Variants in PARP11 observed in about 807,000 individuals in gnomAD.
PARP11 encodes protein mono-ADP-ribosyltransferase PARP11.
A neutral mutation model predicts 42.9 loss-of-function variants in PARP11; 31 were observed. The observed-to-expected ratio is 0.72, with a 90% CI of 0.54 to 0.98. The LOEUF (loss-of-function observed/expected upper bound fraction) is 0.98, where lower values mean the gene tolerates loss of function less well. Ranked by LOEUF, PARP11 falls within the 50% of genes least tolerant of loss-of-function variation. The pLI is 0.00. For missense variants in PARP11, 365 were observed against 413.1 expected, an observed-to-expected ratio of 0.88 and a Z score of 1.01; for synonymous variants, 137 against 127.3, an observed-to-expected ratio of 1.08 and a Z score of -0.51.
intron 3 of PARP11, among the ~76,000 whole-genome samples, chr12:3,826,537 A>G (rs1947530709): frequency 6.6e-6 from 1 of 152,236 alleles, no homozygotes; most frequent in Admixed American, 6.5e-5. Flanking sequence ...TTAAACAGAC[A>G]CTAAACTAGG....
chr12:3,841,106 A>C, intron 1 of PARP11: 1 of 1,610,484 alleles, frequency 6.2e-7, no homozygotes, highest in Non-Finnish European at 8.5e-7. Flanking sequence ...GTGTCAATAC[A>C]GGCAGTTAAC....
rs1388302257 is a variant in PARP11 at position 3,814,120 on chromosome 12, G to T, written c.617C>A (p.Thr206Asn). The T allele has an allele frequency of 1.2e-6, 2 of 1,608,094 alleles. No homozygotes were observed. Among genetic ancestry groups the T allele is most frequent in the Non-Finnish European group, 1.7e-6 (2 of 1,176,078 alleles). The part of the protein sequence containing the change: ...QINEQMLFHG[T>N]SSEFVEAICI... ...GATTGCTTCCACAAATTCACTGCTGGTACCATGAAACAGCATTTGTTCATT... is the reference window on the plus strand; with the variant it reads ...GATTGCTTCCACAAATTCACTGCTGTTACCATGAAACAGCATTTGTTCATT... Residue 206 changes from threonine to asparagine, a missense_variant, in exon 7 of 8, where the codon ACC becomes AAC. By Grantham distance (65) the Thr-to-Asn change is moderately conservative. Coordinates refer to ENST00000228820, the MANE Select transcript of PARP11 (RefSeq NM_020367.6).
At chr12:3,849,588 A>G (rs1461946025) in intron 1 of PARP11, among the ~76,000 whole-genome samples, 1 of 152,174 alleles carries the variant, frequency 6.6e-6, no homozygotes, top group African/African-American at 2.4e-5. Context: ...ATTCATATGT[A>G]GGAGCTAAAT....
chr12:3,829,093 G>A, intron 2 of PARP11, 63 bp from the exon 3 acceptor site: 1 of 1,577,362 alleles, frequency 6.3e-7, no homozygotes, highest in Non-Finnish European at 8.7e-7. Context: ...GGCCACAGAG[G>A]TGGTACTGTG....
At chr12:3,832,581 A>G (rs1414539414) in intron 1 of PARP11, among the ~76,000 whole-genome samples, 2 of 152,192 alleles carry the variant, frequency 1.3e-5, no homozygotes, top group East Asian at 3.9e-4. Flanking sequence ...ATAAGATTAA[A>G]CATTTCCATT....
intron 1 of PARP11, 115 bp downstream of exon 1, chr12:3,873,097 G>C: frequency 9.6e-7 from 1 of 1,038,310 alleles, no homozygotes; most frequent in Non-Finnish European, 1.5e-6. Flanking sequence ...CTCCGGTCCC[G>C]GAACTCAACA....
chr12:3,849,294 C>T (rs1017563734), intron 1 of PARP11, among the ~76,000 whole-genome samples: 7 of 152,038 alleles, frequency 4.6e-5, no homozygotes, highest in Non-Finnish European at 1.0e-4. Flanking sequence ...TCCAGCAACT[C>T]CACGACTGAG....
At chr12:3,833,998 C>T (rs1172484751) in intron 1 of PARP11, among the ~76,000 whole-genome samples, 1 of 152,194 alleles carries the variant, frequency 6.6e-6, no homozygotes, top group Admixed American at 6.5e-5. Context: ...TTTCCCTACA[C>T]AGCCCCCATT....
At chr12:3,857,120 C>T (rs1266012218) in intron 1 of PARP11, among the ~76,000 whole-genome samples, 3 of 150,624 alleles carry the variant, frequency 2.0e-5, no homozygotes, top group Non-Finnish European at 4.4e-5. Context: ...CACACCAGGG[C>T]CTGTCGGGGG....
intron 1 of PARP11, among the ~76,000 whole-genome samples, chr12:3,862,148 C>A (rs1337122428): frequency 6.6e-6 from 1 of 152,148 alleles, no homozygotes; most frequent in Non-Finnish European, 1.5e-5. Context: ...TTTTTCTCAG[C>A]CAGGCATAGT....
intron 6 of PARP11, among the ~76,000 whole-genome samples, chr12:3,819,877 T>C (rs1372054951): frequency 1.3e-5 from 2 of 152,194 alleles, no homozygotes; most frequent in Non-Finnish European, 1.5e-5. Context: ...CTCTCACCAT[T>C]CTACCTAATT....
chr12:3,831,530 T>C (rs1947637718), intron 1 of PARP11, among the ~76,000 whole-genome samples: 1 of 152,106 alleles, frequency 6.6e-6, no homozygotes, highest in Non-Finnish European at 1.5e-5. Flanking sequence ...TCCTTCCTCA[T>C]TGGGATGTTG....
chr12:3,815,263 T>A (rs1164580024), intron 6 of PARP11, among the ~76,000 whole-genome samples: 1 of 152,246 alleles, frequency 6.6e-6, no homozygotes, highest in East Asian at 1.9e-4. Flanking sequence ...ACTCACAGCA[T>A]CACGTGCTCA....
chr12:3,837,937 T>C (rs1221954015), intron 1 of PARP11, among the ~76,000 whole-genome samples: 1 of 151,402 alleles, frequency 6.6e-6, no homozygotes, highest in Non-Finnish European at 1.5e-5. Flanking sequence ...ACACCCAAGA[T>C]CTTAAGTATA....
chr12:3,832,303 A>C (rs893575209), intron 1 of PARP11, among the ~76,000 whole-genome samples: 1 of 152,178 alleles, frequency 6.6e-6, no homozygotes, highest in East Asian at 1.9e-4. Context: ...TGTGCAGGAG[A>C]GATAAGTGAT....
At position 3,840,402 on chromosome 12, in the gene PARP11, C is replaced by G; in HGVS notation, c.19-10384G>C. On this transcript the variant is annotated intron_variant, in intron 1 of 7. Coordinates refer to ENST00000228820, the MANE Select transcript of PARP11 (RefSeq NM_020367.6). This position sits in a 1 kb window ranked among gnomAD's most constrained non-coding sequence, Gnocchi z 4.4. Reference sequence around the variant, plus strand: ...ATTACAGAGGGCCAAAGAATCCAAGCAAGCCAATAAAAGCCCCATTAGCAC... The same window carrying G: ...ATTACAGAGGGCCAAAGAATCCAAGGAAGCCAATAAAAGCCCCATTAGCAC... 6.2e-7 allele frequency: 1 copy of G among 1,600,704 alleles called. No homozygotes were observed. Among genetic ancestry groups the G allele is most frequent in the Non-Finnish European group, 8.5e-7 (1 of 1,175,328 alleles).
intron 1 of PARP11, among the ~76,000 whole-genome samples, chr12:3,865,916 T>G (rs564014238): frequency 5.4e-4 from 82 of 152,018 alleles, no homozygotes; most frequent in Non-Finnish European, 1.1e-3. Context: ...CCACCTGTTC[T>G]TTGTTCTCTT....
Position 3,866,136 on chromosome 12 carries a change from C to T in PARP11, c.18+7076G>A, listed in dbSNP as rs1459934899. Among the ~76,000 whole-genome samples the T allele has an allele frequency of 2.6e-5, 4 of 151,984 alleles. No individual in the cohort carries two copies. The East Asian group carries it at 7.7e-4, about 29-fold the overall frequency. ...CAAACAAACAAACAAAAGACACTTCCTAGGATGTCTAATGAGCTTCACATT... is the reference window on the plus strand; with the variant it reads ...CAAACAAACAAACAAAAGACACTTCTTAGGATGTCTAATGAGCTTCACATT... On this transcript the variant is annotated intron_variant, in intron 1 of 7. Coordinates refer to ENST00000228820, the MANE Select transcript of PARP11 (RefSeq NM_020367.6).
chr12:3,843,238 T>C (rs1012299038), intron 1 of PARP11, among the ~76,000 whole-genome samples: 3 of 152,220 alleles, frequency 2.0e-5, no homozygotes, highest in Non-Finnish European at 4.4e-5. Flanking sequence ...TCCAATGAAA[T>C]GGCTGTTTCC....
Sources: allele counts gnomAD v4.1 joint callset (sites outside exome capture counted in the v4.1 genomes callset), GRCh38; gene constraint gnomAD v4.1.1; non-coding constraint Gnocchi (gnomAD v3.1); transcripts MANE v1.5; gene names NCBI Gene and HGNC (gene_info 2026-07-23, HGNC 2026-07-21).